USH2A: variants seen among roughly 807,000 people sequenced by gnomAD.
USH2A encodes the protein Usher syndrome 2A (autosomal recessive, mild).
USH2A carries 443 observed loss-of-function variants against 538.9 expected under a neutral mutation model. The observed-to-expected ratio is 0.82, with a 90% CI of 0.76 to 0.89. The LOEUF (loss-of-function observed/expected upper bound fraction) is 0.89, where lower values mean the gene tolerates loss of function less well. Among genes scored for constraint, USH2A ranks in the 40% least tolerant of loss-of-function variants. The pLI is 0.00. For synonymous variants in USH2A, 2,413 were observed against 2,273.5 expected (o/e 1.06, Z -1.75); for missense variants, 6,633 against 6,324.8 (o/e 1.05, Z -1.65).
In USH2A at chr1:216,252,752, TCA is replaced by T. The variant is rs557861220; in HGVS notation, c.1972-1656_1972-1655del. Among the ~76,000 whole-genome samples the T allele has an allele frequency of 5.4e-4, 82 of 152,358 alleles. 1 individual carries two copies. Among genetic ancestry groups the T allele is most frequent in the African/African-American group, 1.9e-3 (80 of 41,588 alleles). On this transcript the variant is annotated intron_variant, in intron 11 of 71. Coordinates refer to ENST00000307340, the MANE Select transcript of USH2A (RefSeq NM_206933.4). ...TTGCCTTCTTGTGCCTGGCTGTTTC[TCA>T]GTCTTATTCAGATCTAGTCCAAAGG...
At chr1:216,304,874 G>C (rs1443467676) in intron 9 of USH2A, among the ~76,000 whole-genome samples, 1 of 151,910 alleles carries the variant, frequency 6.6e-6, no homozygotes, top group Admixed American at 6.6e-5. Flanking sequence ...ACGGTGGTCT[G>C]AGAGAGTACT....
intron 53 of USH2A, 49 bp downstream of exon 53, chr1:215,782,689 T>C: frequency 6.3e-7 from 1 of 1,590,446 alleles, no homozygotes; most frequent in Non-Finnish European, 8.6e-7. Context: ...TCAATTTTCT[T>C]ATGAATTTAT....
chr1:216,394,456 T>C (rs1442238702), intron 3 of USH2A, among the ~76,000 whole-genome samples: 2 of 152,098 alleles, frequency 1.3e-5, no homozygotes, highest in African/African-American at 4.8e-5. Flanking sequence ...GGATGGTGGT[T>C]ATGCAACAGT....
At chr1:216,412,831 G>A (rs1426508887) in intron 3 of USH2A, among the ~76,000 whole-genome samples, 1 of 151,728 alleles carries the variant, frequency 6.6e-6, no homozygotes, top group Non-Finnish European at 1.5e-5. Context: ...ATAAATGTAG[G>A]CAGGTAGTTT....
chr1:215,758,006 G>A (rs565646967), intron 58 of USH2A, among the ~76,000 whole-genome samples: 10 of 152,254 alleles, frequency 6.6e-5, no homozygotes, highest in South Asian at 6.2e-4. Context: ...AGAGTAAGCC[G>A]GGCGTGGTGG....
At chr1:216,188,671 G>T (rs913470712) in intron 20 of USH2A, among the ~76,000 whole-genome samples, 1 of 151,858 alleles carries the variant, frequency 6.6e-6, no homozygotes, top group East Asian at 1.9e-4. Context: ...TGTCTGAGAC[G>T]TAGTAGTTTC....
intron 21 of USH2A, among the ~76,000 whole-genome samples, chr1:216,107,664 T>C (rs991907032): frequency 6.7e-6 from 1 of 149,430 alleles, no homozygotes; most frequent in Non-Finnish European, 1.5e-5. Flanking sequence ...ATTTGAATTC[T>C]CTCTTTTCTT....
At chr1:215,766,877 T>G (rs1661148561) in intron 55 of USH2A, 89 bp from the exon 56 acceptor site, 1 of 1,204,038 alleles carries the variant, frequency 8.3e-7, no homozygotes, top group Admixed American at 1.9e-5. Context: ...GAGTTGTAGA[T>G]ATGATAGCCA....
intron 55 of USH2A, among the ~76,000 whole-genome samples, chr1:215,773,449 G>T (rs1477536127): frequency 6.0e-5 from 9 of 149,990 alleles, no homozygotes; most frequent in African/African-American, 2.0e-4. Flanking sequence ...AATCTGCTTT[G>T]GTCCGCTGCC....
rs765457091 is a variant in USH2A at position 216,388,545 on chromosome 1, G to A, written c.652-23460C>T. ...AATACATAAGGGAATTCCAAGACTC[G>A]GAAGATGAATTTTTGTTGTGAACAC... On this transcript the variant is annotated intron_variant, in intron 3 of 71. Coordinates refer to ENST00000307340, the MANE Select transcript of USH2A (RefSeq NM_206933.4). 7.2e-5 allele frequency among the ~76,000 whole-genome samples: 11 copies of A among 152,094 alleles called. 1 individual carries two copies. In the South Asian group the frequency reaches 8.3e-4, roughly 11 times the overall value.
chr1:216,310,329 G>C (rs925217385), intron 9 of USH2A, among the ~76,000 whole-genome samples: 4 of 151,590 alleles, frequency 2.6e-5, no homozygotes, highest in Non-Finnish European at 5.9e-5. Flanking sequence ...AACTTTTTTG[G>C]GGGTTGCCCT....
chr1:215,761,806 A>G (rs1276645715), intron 56 of USH2A, among the ~76,000 whole-genome samples: 2 of 152,128 alleles, frequency 1.3e-5, no homozygotes, highest in African/African-American at 4.8e-5. Context: ...CAGTCCTACC[A>G]CTTTATGTTG....
intron 61 of USH2A, among the ~76,000 whole-genome samples, chr1:215,697,262 C>T (rs535340917): frequency 6.6e-6 from 1 of 151,894 alleles, no homozygotes; most frequent in East Asian, 1.9e-4. Flanking sequence ...CCTGGCCTGC[C>T]CCCTATTTTT....
intron 61 of USH2A, among the ~76,000 whole-genome samples, chr1:215,682,637 T>C (rs1571955000): frequency 6.6e-6 from 1 of 152,072 alleles, no homozygotes; most frequent in African/African-American, 2.4e-5. Context: ...TATAGAAATA[T>C]GGCCTGTAGG....
intron 26 of USH2A, among the ~76,000 whole-genome samples, chr1:216,082,855 A>G (rs554487314): frequency 1.3e-5 from 2 of 152,264 alleles, no homozygotes; most frequent in East Asian, 3.9e-4. Context: ...GTTGAGTGCT[A>G]AAGAGAGAGT....
At chr1:215,801,586 G>A (rs1453462731) in intron 49 of USH2A, among the ~76,000 whole-genome samples, 5 of 152,040 alleles carry the variant, frequency 3.3e-5, no homozygotes, top group South Asian at 2.1e-4. Context: ...CCAAGAAAGC[G>A]AAAGACTGAA....
chr1:216,320,029 C>A (rs1038538555), intron 9 of USH2A, among the ~76,000 whole-genome samples: 2 of 152,106 alleles, frequency 1.3e-5, no homozygotes, highest in African/African-American at 4.8e-5. Context: ...AACATATAAG[C>A]CCATATTTAT....
intron 9 of USH2A, 53 bp from the exon 10 acceptor site, chr1:216,292,423 C>T: frequency 1.9e-6 from 3 of 1,573,864 alleles, no homozygotes; most frequent in Non-Finnish European, 2.6e-6. Context: ...GATTTTCTTT[C>T]ATTTTATTGA....
chr1:216,415,240 G>C (rs115683931), intron 3 of USH2A, among the ~76,000 whole-genome samples: 2,844 of 152,022 alleles, frequency 0.019, 91 homozygotes, highest in African/African-American at 0.064. Context: ...AATTCAAAAG[G>C]CCCTCATTTT....
Sources: gnomAD v4.1 joint callset for allele counts (sites outside exome capture counted in the v4.1 genomes callset) on GRCh38, gnomAD v4.1.1 for gene constraint, MANE v1.5 for transcripts, NCBI Gene and HGNC (gene_info 2026-07-23, HGNC 2026-07-21) for gene names.